The following GNA11 variants were observed in gnomAD, a reference collection of about 807,000 sequenced individuals.
GNA11 encodes G protein subunit alpha 11.
Under a neutral mutation model 38.2 loss-of-function variants are expected in GNA11, and 8 were observed. That is an observed-to-expected ratio of 0.21 (90% CI 0.12 to 0.38). The LOEUF is 0.38. GNA11 is among the 10% of genes least tolerant of loss of function. The pLI is 1.00. For missense variants in GNA11, 268 were observed against 516.3 expected, an observed-to-expected ratio of 0.52 and a Z score of 4.66; for synonymous variants, 211 against 221.4, an observed-to-expected ratio of 0.95 and a Z score of 0.42.
At chr19:3,104,789 G>A in intron 1 of GNA11, among the ~76,000 whole-genome samples, 1 of 152,234 alleles carries the variant, frequency 6.6e-6, no homozygotes, top group East Asian at 1.9e-4. Context: ...ACCTCACTGA[G>A]GAGGGAATGG....
chr19:3,104,217 AC>A (rs754834007), intron 1 of GNA11, among the ~76,000 whole-genome samples: 6 of 151,822 alleles, frequency 4.0e-5, no homozygotes, highest in Non-Finnish European at 5.9e-5. Flanking sequence ...TTCCTTTCCC[AC>A]CGGGGAAAAG....
rs914041272 is a variant in GNA11 at position 3,108,323 on chromosome 19, A to G, written c.137-1826A>G. ...GGCAGCAAGGAAGGTTCCAGAAAGT[A>G]CCGGAGGGAGAGTTGTGTTGGGGCT... On this transcript the variant is annotated intron_variant, in intron 1 of 6. Coordinates refer to ENST00000078429, the MANE Select transcript of GNA11 (RefSeq NM_002067.5). This position sits in a 1 kb window ranked among gnomAD's most constrained non-coding sequence, Gnocchi z 4.5. Among the ~76,000 whole-genome samples, 2 of 152,170 alleles carry G rather than the reference A, an allele frequency of 1.3e-5. No individual in the cohort carries two copies. Among genetic ancestry groups the G allele is most frequent in the African/African-American group, 4.8e-5 (2 of 41,438 alleles).
At position 3,120,652 on chromosome 19, in the gene GNA11, C is replaced by T. The variant is rs977949566; in HGVS notation, c.890-337C>T. On this transcript the variant is annotated intron_variant, in intron 6 of 6. Transcript: ENST00000078429. This position sits in a 1 kb window ranked among gnomAD's most constrained non-coding sequence, Gnocchi z 5.9. ...CCTCTCACCCTGGGCCTTCGCAGGG[C>T]AGCCATGCCAGAGGCCTGCCCTGGA... 6.6e-6 allele frequency among the ~76,000 whole-genome samples: 1 copy of T among 152,170 alleles called. No individual in the cohort carries two copies. The highest frequency in any genetic ancestry group is 2.4e-5 in the African/African-American group (1 of 41,440).
chr19:3,098,589 C>A (rs1489085655), intron 1 of GNA11, among the ~76,000 whole-genome samples: 2 of 152,228 alleles, frequency 1.3e-5, no homozygotes, highest in Non-Finnish European at 2.9e-5. Context: ...CTAAATAAAG[C>A]AGGATGGTTA....
At chr19:3,103,519 CTTTTTTTTTT>C (rs760497682) in intron 1 of GNA11, among the ~76,000 whole-genome samples, 59 of 45,810 alleles carry the variant, frequency 1.3e-3, no homozygotes, top group Middle Eastern at 0.036. Context: ...GGCCTTGAAT[CTTTTTTTTTT>C]TTTTTTTTTT....
chr19:3,113,285 GT>G, intron 2 of GNA11, 44 bp from the exon 3 acceptor site: 3 of 1,590,982 alleles, frequency 1.9e-6, no homozygotes, highest in Non-Finnish European at 2.6e-6. Flanking sequence ...TGGTGGATGT[GT>G]GGCCCCAGCG....
Position 3,120,957 on chromosome 19 carries a change from G to A in GNA11, c.890-32G>A, listed in dbSNP as rs746131264. 1.2e-5 allele frequency: 19 copies of A among 1,567,052 alleles called. No homozygotes were observed. The highest frequency in any genetic ancestry group is 1.7e-5 in the Non-Finnish European group (19 of 1,142,078). On this transcript the variant is annotated intron_variant, in intron 6 of 6. Coordinates refer to ENST00000078429, the MANE Select transcript of GNA11 (RefSeq NM_002067.5). The surrounding 1 kb of genome is among the most constrained non-coding windows in gnomAD (Gnocchi z 5.9). ...CGAGTCCCTTGCCCTGGGCCGGGCT[G>A]GGGCACAGCCTCACCCTCTGCCCTC...
Position 3,097,900 on chromosome 19 carries a change from G to A in GNA11, c.136+3113G>A, listed in dbSNP as rs556376424. On this transcript the variant is annotated intron_variant, in intron 1 of 6. Coordinates refer to ENST00000078429, the MANE Select transcript of GNA11 (RefSeq NM_002067.5). Reference sequence around the variant, plus strand: ...GGCCTCCACCCACTCCATGCCAGGAGCTCCCCCAAGTCGTGATAACCACAG... The same window carrying A: ...GGCCTCCACCCACTCCATGCCAGGAACTCCCCCAAGTCGTGATAACCACAG... Among the ~76,000 whole-genome samples, 27 of 152,354 alleles carry A rather than the reference G, an allele frequency of 1.8e-4. 1 individual carries two copies. In the South Asian group the frequency reaches 5.6e-3, roughly 32 times the overall value.
chr19:3,094,599 G>A lies in GNA11; in HGVS notation c.-53G>A. Reference sequence around the variant, plus strand: ...AGGCGGCTCCGGCCAGGGCCGGGCCGGGGGCCGGGGGGCGGCGGCGGGCAG... The same window carrying A: ...AGGCGGCTCCGGCCAGGGCCGGGCCAGGGGCCGGGGGGCGGCGGCGGGCAG... On this transcript the variant is annotated 5_prime_UTR_variant, in exon 1 of 7. Coordinates refer to ENST00000078429, the MANE Select transcript of GNA11 (RefSeq NM_002067.5). The surrounding 1 kb of genome is among the most constrained non-coding windows in gnomAD (Gnocchi z 6.0). 1 of 951,830 alleles carries A rather than the reference G, an allele frequency of 1.1e-6. No individual in the cohort carries two copies. The highest frequency in any genetic ancestry group is 1.3e-6 in the Non-Finnish European group (1 of 784,138). 59.0% of individuals were successfully genotyped at this position (951,830 alleles called of 1,614,324 possible).
In GNA11 at chr19:3,121,292, C is replaced by A; in HGVS notation, c.*113C>A. ...GAGTCCGGGCCGGGGCCTCTGCCCG[C>A]GGGAGGAGATTTTTTTTTTTCATAT... On this transcript the variant is annotated 3_prime_UTR_variant, in exon 7 of 7. Coordinates refer to ENST00000078429, the MANE Select transcript of GNA11 (RefSeq NM_002067.5). The A allele has an allele frequency of 1.5e-6, 1 of 681,510 alleles. No individual in the cohort carries two copies. Among genetic ancestry groups the A allele is most frequent in the South Asian group, 2.0e-5 (1 of 50,970 alleles). The allele number at this position is 681,510 out of a possible 1,614,324, so 42.2% of individuals were successfully genotyped here. A position where few individuals can be genotyped will look rare whatever the true frequency, so the allele number is the denominator to read the frequency against.
chr19:3,118,859 T>C (rs1913991144), intron 4 of GNA11, 65 bp from the exon 5 acceptor site: 1 of 1,526,654 alleles, frequency 6.6e-7, no homozygotes, highest in Non-Finnish European at 9.0e-7. Flanking sequence ...GTGGGAGCCG[T>C]CCTGGGATTG....
At position 3,110,266 on chromosome 19, in the gene GNA11, C is replaced by T; in HGVS notation, c.254C>T (p.Thr85Ile). The T allele has an allele frequency of 6.2e-7, 1 of 1,614,038 alleles. No individual in the cohort carries two copies. Among genetic ancestry groups the T allele is most frequent in the Non-Finnish European group, 8.5e-7 (1 of 1,179,942 alleles). ...FTKLVYQNIFTAMQAMIRAME... is the reference protein window; with the variant it reads ...FTKLVYQNIFIAMQAMIRAME... The stretch of plus-strand genomic sequence containing the variant: ...AAGCTCGTCTACCAGAACATCTTCA[C>T]CGCCATGCAGGCCATGATCCGGGCC... Residue 85 changes from threonine (T) to isoleucine (I), a missense_variant, in exon 2 of 7, where the codon ACC (threonine) becomes ATC (isoleucine). By Grantham distance (89) the Thr-to-Ile change is moderately conservative. Around this residue, in one of 3 missense-constraint regions of GNA11, gnomAD observed 151 missense variants for 254.0 expected, o/e 0.59. Transcript: ENST00000078429. The surrounding 1 kb of genome is among the most constrained non-coding windows in gnomAD (Gnocchi z 5.4).
chr19:3,112,893 C>A (rs761066691), intron 2 of GNA11, among the ~76,000 whole-genome samples: 7 of 152,240 alleles, frequency 4.6e-5, no homozygotes, highest in Admixed American at 4.6e-4. Context: ...TTCCTGCCTC[C>A]CGGTGTGTCT....
Position 3,110,006 on chromosome 19 carries a change from C to T in GNA11, c.137-143C>T, listed in dbSNP as rs980997455. ...TTTCCGAGGAGTCAGGAGGCCGTGG[C>T]GTCTGGTGGAGAGACGGTCAGCCTC... On this transcript the variant is annotated intron_variant, in intron 1 of 6. Transcript: ENST00000078429. The surrounding 1 kb of genome is among the most constrained non-coding windows in gnomAD (Gnocchi z 5.4). 1.6e-5 allele frequency: 10 copies of T among 612,790 alleles called. No homozygotes were observed. Among genetic ancestry groups the T allele is most frequent in the South Asian group, 4.1e-5 (2 of 48,704 alleles). The allele number at this position is 612,790 out of a possible 1,614,324, so 38.0% of individuals were successfully genotyped here.
intron 1 of GNA11, among the ~76,000 whole-genome samples, chr19:3,105,838 T>C (rs1354890026): frequency 6.6e-6 from 1 of 152,094 alleles, no homozygotes; most frequent in Non-Finnish European, 1.5e-5. Flanking sequence ...AAAGCTGCCG[T>C]GGTGCTTGGT....
At chr19:3,114,846 C>G in intron 3 of GNA11, 98 bp from the exon 4 acceptor site, 1 of 1,230,028 alleles carries the variant, frequency 8.1e-7, no homozygotes, top group South Asian at 1.3e-5. Flanking sequence ...CCACCCCCTC[C>G]TGGTGGCTTT....
chr19:3,104,267 C>T (rs1340864835), intron 1 of GNA11, among the ~76,000 whole-genome samples: 1 of 152,268 alleles, frequency 6.6e-6, no homozygotes, highest in Non-Finnish European at 1.5e-5. Flanking sequence ...TGGTTGGCCT[C>T]TCCAGATCTT....
chr19:3,107,333 T>C (rs1483182276), intron 1 of GNA11, among the ~76,000 whole-genome samples: 1 of 152,214 alleles, frequency 6.6e-6, no homozygotes, highest in Non-Finnish European at 1.5e-5. Context: ...GTCTTGGTCT[T>C]CCCGGCATCC....
At chr19:3,116,377 GT>G (rs1487137646) in intron 4 of GNA11, among the ~76,000 whole-genome samples, 1 of 152,188 alleles carries the variant, frequency 6.6e-6, no homozygotes, top group African/African-American at 2.4e-5. Context: ...TGAGATGCAG[GT>G]GTGGGCCGGG....
Sources: allele counts gnomAD v4.1 joint callset (sites outside exome capture counted in the v4.1 genomes callset), GRCh38; gene constraint gnomAD v4.1.1; regional missense constraint gnomAD v4.1.1; non-coding constraint Gnocchi (gnomAD v3.1); transcripts MANE v1.5; gene names NCBI Gene and HGNC (gene_info 2026-07-23, HGNC 2026-07-21).